The following THOP1 variants were observed in gnomAD, a reference collection of about 807,000 sequenced individuals.
The protein encoded by THOP1 is thimet oligopeptidase 1.
A neutral mutation model predicts 71.8 loss-of-function variants in THOP1; 49 were observed. That is an observed-to-expected ratio of 0.68 (90% CI 0.54 to 0.87). The LOEUF is 0.87. Ranked by LOEUF, THOP1 falls within the 40% of genes least tolerant of loss-of-function variation. The pLI is 0.00. For missense variants in THOP1, 843 were observed against 975.6 expected, an observed-to-expected ratio of 0.86 and a Z score of 1.81; for synonymous variants, 426 against 421.5, an observed-to-expected ratio of 1.01 and a Z score of -0.13.
chr19:2,810,242 A>G, intron 9 of THOP1, 62 bp from the exon 10 acceptor site: 1 of 1,560,506 alleles, frequency 6.4e-7, no homozygotes, highest in African/African-American at 1.3e-5. Context: ...GACACGGGCC[A>G]GGCCGGCGGG....
At chr19:2,802,403 T>C (rs563963856) in intron 5 of THOP1, among the ~76,000 whole-genome samples, 415 of 5,768 alleles carry the variant, frequency 0.072, no homozygotes, top group Admixed American at 0.1. Context: ...TAACACCTCC[T>C]GACACCCCCA....
At position 2,800,788 on chromosome 19, in the gene THOP1, G is replaced by A. The variant is rs138761995; in HGVS notation, c.589+997G>A. Among the ~76,000 whole-genome samples, 260 of 152,152 alleles carry A rather than the reference G, an allele frequency of 1.7e-3. 1 individual carries two copies. Among genetic ancestry groups the A allele is most frequent in the African/African-American group, 6.0e-3 (247 of 41,412 alleles). On this transcript the variant is annotated intron_variant, in intron 5 of 12. Transcript: ENST00000307741. ...TGCCGTAAAGCACGTTTCCCAGCCT[G>A]CCCCTCAGTGGGTGCACTGATCACC...
At chr19:2,789,057 G>A (rs1159547866) in intron 1 of THOP1, among the ~76,000 whole-genome samples, 3 of 152,208 alleles carry the variant, frequency 2.0e-5, no homozygotes, top group Non-Finnish European at 4.4e-5. Flanking sequence ...CACCGTACCT[G>A]GCCAGGCCTG....
Position 2,805,660 on chromosome 19 carries a change from G to A in THOP1, c.750+484G>A, listed in dbSNP as rs1345157490. Among the ~76,000 whole-genome samples, 2 of 152,148 alleles carry A rather than the reference G, an allele frequency of 1.3e-5. No individual in the cohort carries two copies. The highest frequency in any genetic ancestry group is 3.8e-4 in the East Asian group (2 of 5,196). On this transcript the variant is annotated intron_variant, in intron 6 of 12. Coordinates refer to ENST00000307741, the MANE Select transcript of THOP1 (RefSeq NM_003249.5). This position sits in a 1 kb window ranked among gnomAD's most constrained non-coding sequence, Gnocchi z 6.6. Reference sequence around the variant, plus strand: ...ACGGCGCCATGGTGTGGTCGGTCAGGTGGTCTCTGCACGTCTCCCATTCGC... The same window carrying A: ...ACGGCGCCATGGTGTGGTCGGTCAGATGGTCTCTGCACGTCTCCCATTCGC...
intron 11 of THOP1, 71 bp downstream of exon 11, chr19:2,810,839 G>A: frequency 7.8e-6 from 12 of 1,536,124 alleles, no homozygotes; most frequent in Non-Finnish European, 9.6e-6. Context: ...GGTGAAGGGA[G>A]TTGGTCCCCA....
chr19:2,787,205 T>G (rs1180476776), intron 1 of THOP1, among the ~76,000 whole-genome samples: 1 of 152,168 alleles, frequency 6.6e-6, no homozygotes, highest in Non-Finnish European at 1.5e-5. Flanking sequence ...GGCCTGGGTT[T>G]TAGAAGGTCA....
At chr19:2,794,603 C>T (rs769917196) in intron 2 of THOP1, among the ~76,000 whole-genome samples, 161 bp from the exon 3 acceptor site, 6 of 152,092 alleles carry the variant, frequency 3.9e-5, no homozygotes, top group Admixed American at 1.3e-4. Context: ...CTGGAGGGGA[C>T]GGTGGCGTGT....
intron 5 of THOP1, among the ~76,000 whole-genome samples, chr19:2,803,708 C>T (rs962379416): frequency 2.6e-5 from 4 of 152,182 alleles, no homozygotes; most frequent in African/African-American, 4.8e-5. Context: ...TGCAGTCACT[C>T]GGCAGACAAT....
Position 2,790,424 on chromosome 19 carries a change from G to A in THOP1, c.20G>A (p.Cys7Tyr). The A allele has an allele frequency of 6.4e-7, 1 of 1,554,032 alleles. No homozygotes were observed. The highest frequency in any genetic ancestry group is 1.9e-5 in the Admixed American group (1 of 51,470). The part of the protein sequence containing the change: MKPPAA[C>Y]AGDMADAASP... ...ACTGGGTTTTGTTTCTGCGTAGCCT[G>A]TGCAGGAGACATGGCGGACGCAGCA... The change falls in exon 2 of 13, where the codon TGT becomes TAT. Residue 7 changes from cysteine to tyrosine, a missense_variant. By Grantham distance (194) the Cys-to-Tyr change is radical. Coordinates refer to ENST00000307741, the MANE Select transcript of THOP1 (RefSeq NM_003249.5).
intron 11 of THOP1, 99 bp downstream of exon 11, chr19:2,810,867 G>A: frequency 3.4e-6 from 5 of 1,477,150 alleles, no homozygotes; most frequent in Non-Finnish European, 4.5e-6. Context: ...CTTAGCAAGT[G>A]CAGGAGTCCC....
chr19:2,808,938 A>G (rs1916385083), intron 9 of THOP1, among the ~76,000 whole-genome samples: 1 of 152,186 alleles, frequency 6.6e-6, no homozygotes, highest in African/African-American at 2.4e-5. Context: ...CACGCCTGTA[A>G]TCCCAGCACT....
intron 11 of THOP1, among the ~76,000 whole-genome samples, chr19:2,811,050 C>T (rs563704266): frequency 6.6e-6 from 1 of 152,330 alleles, no homozygotes; most frequent in East Asian, 1.9e-4. Flanking sequence ...AAATGTATGA[C>T]ACATGCTTTG....
intron 4 of THOP1, among the ~76,000 whole-genome samples, chr19:2,798,360 TGCCC>T (rs2144766730): frequency 6.6e-6 from 1 of 152,306 alleles, no homozygotes; most frequent in Admixed American, 6.5e-5. Context: ...GCTTGTTGCA[TGCCC>T]AGCATGTGTG....
rs932717412 is a variant in THOP1, at chr19:2,804,451, G to A, written c.590-565G>A. ...GCGTGCTGAGATCTCAGCTCTGAGC[G>A]GGAGGCTCTGCCTGGGGGTGGTTCT... On this transcript the variant is annotated intron_variant, in intron 5 of 12. Transcript: ENST00000307741. The surrounding 1 kb of genome is among the most constrained non-coding windows in gnomAD (Gnocchi z 4.7). 2.6e-5 allele frequency among the ~76,000 whole-genome samples: 4 copies of A among 152,136 alleles called. No homozygotes were observed. The highest frequency in any genetic ancestry group is 4.4e-5 in the Non-Finnish European group (3 of 68,022).
rs887491180 is a variant in THOP1, at chr19:2,814,500, G to C, written c.*1224G>C. ...CTCACCTCCATTTGGACAGGACTCC[G>C]AGGGCTGTGCCATCTGCTTCAGCCC... On this transcript the variant is annotated 3_prime_UTR_variant, in exon 13 of 13. Coordinates refer to ENST00000307741, the MANE Select transcript of THOP1 (RefSeq NM_003249.5). 2 of 152,324 alleles carry C rather than the reference G, an allele frequency of 1.3e-5. No individual in the cohort carries two copies. The highest frequency in any genetic ancestry group is 2.9e-5 in the Non-Finnish European group (2 of 68,118). 9.4% of individuals were successfully genotyped at this position (152,324 alleles called of 1,614,324 possible).
chr19:2,794,858 C>T lies in THOP1; in HGVS notation c.324C>T (p.Phe108=), dbSNP rs199546012. 1.1e-4 allele frequency: 178 copies of T among 1,613,976 alleles called. No homozygotes were observed. Among genetic ancestry groups the T allele is most frequent in the East Asian group, 7.6e-4 (34 of 44,886 alleles). The change falls in exon 3 of 13, where the codon TTC becomes TTT. Residue 108 remains phenylalanine, a synonymous_variant. Coordinates refer to ENST00000307741, the MANE Select transcript of THOP1 (RefSeq NM_003249.5). The part of the protein sequence containing the change: ...STEADKKLSE[F]DVEMSMREDV... ...AGGCCGACAAGAAGCTCTCTGAGTT[C>T]GACGTGGAGATGAGCATGAGGGAGG... is the stretch of plus-strand genomic sequence containing the variant.
At chr19:2,799,026 G>A (rs1916082374) in intron 4 of THOP1, among the ~76,000 whole-genome samples, 1 of 152,146 alleles carries the variant, frequency 6.6e-6, no homozygotes, top group African/African-American at 2.4e-5. Flanking sequence ...CCAGATAAGG[G>A]GTAAAATGTT....
At chr19:2,787,312 GA>G (rs1473683759) in intron 1 of THOP1, among the ~76,000 whole-genome samples, 1 of 152,188 alleles carries the variant, frequency 6.6e-6, no homozygotes, top group Non-Finnish European at 1.5e-5. Flanking sequence ...CGATGAGGGT[GA>G]TAATTGTAAT....
At chr19:2,786,142 G>C (rs541294989) in intron 1 of THOP1, among the ~76,000 whole-genome samples, 7 of 152,312 alleles carry the variant, frequency 4.6e-5, no homozygotes, top group African/African-American at 1.7e-4. Context: ...GCGTCGACTT[G>C]CTTGATTGGG....
Sources: allele counts gnomAD v4.1 joint callset (sites outside exome capture counted in the v4.1 genomes callset), GRCh38; gene constraint gnomAD v4.1.1; non-coding constraint Gnocchi (gnomAD v3.1); transcripts MANE v1.5; gene names NCBI Gene and HGNC (gene_info 2026-07-23, HGNC 2026-07-21).